Variants in SGCZ observed in about 807,000 individuals in gnomAD.
SGCZ encodes the protein zeta-sarcoglycan.
In SGCZ, 40 loss-of-function variants were observed where a neutral mutation model predicts 41.3. That is an observed-to-expected ratio of 0.97 (90% CI 0.75 to 1.26). The LOEUF is 1.26. Ranked by LOEUF, SGCZ falls within the 50% of genes most tolerant of loss-of-function variation. The probability of loss-of-function intolerance (pLI) is 0.00; values close to 1 mark genes in which losing one functional copy is unlikely to be tolerated. For synonymous variants in SGCZ, 206 were observed against 137.5 expected, an observed-to-expected ratio of 1.50 and a Z score of -3.49; for missense variants, 552 against 369.8, an observed-to-expected ratio of 1.49 and a Z score of -4.04.
intron 1 of SGCZ, among the ~76,000 whole-genome samples, chr8:15,164,654 T>TTTTTTAGAAG (rs1394105574): frequency 6.6e-6 from 1 of 151,604 alleles, no homozygotes; most frequent in Admixed American, 6.6e-5. Flanking sequence ...TTTTTTTTTT[T>TTTTTTAGAAG]AAGAAGACAT....
At chr8:14,277,569 T>G (rs549794661) in intron 3 of SGCZ, among the ~76,000 whole-genome samples, 1 of 152,098 alleles carries the variant, frequency 6.6e-6, no homozygotes, top group African/African-American at 2.4e-5. Context: ...GCAAAGTCAA[T>G]GAAGTAAAAG....
At chr8:14,279,539 A>G (rs1025522671) in intron 3 of SGCZ, among the ~76,000 whole-genome samples, 5 of 151,908 alleles carry the variant, frequency 3.3e-5, no homozygotes, top group Admixed American at 6.6e-5. Flanking sequence ...CTATCTCTTC[A>G]CAACAAAAAT....
At chr8:14,207,353 C>G (rs1371862410) in intron 4 of SGCZ, among the ~76,000 whole-genome samples, 1 of 152,154 alleles carries the variant, frequency 6.6e-6, no homozygotes, top group Non-Finnish European at 1.5e-5. Flanking sequence ...TTAACATTAT[C>G]ATATTCTGCC....
At chr8:14,693,771 T>C (rs1027048034) in intron 1 of SGCZ, among the ~76,000 whole-genome samples, 16 of 151,880 alleles carry the variant, frequency 1.1e-4, no homozygotes, top group South Asian at 6.2e-4. Context: ...TTTGTATTTT[T>C]AGTAGGGATG....
chr8:14,849,295 C>T (rs372356595), intron 1 of SGCZ, among the ~76,000 whole-genome samples: 12 of 151,988 alleles, frequency 7.9e-5, no homozygotes, highest in African/African-American at 2.2e-4. Context: ...AGACTGTATA[C>T]AGCAACCATA....
At chr8:14,528,537 C>T (rs1213984343) in intron 2 of SGCZ, among the ~76,000 whole-genome samples, 1 of 152,008 alleles carries the variant, frequency 6.6e-6, no homozygotes, top group Non-Finnish European at 1.5e-5. Flanking sequence ...TTGAGTAAGT[C>T]TCGTTGGCCA....
intron 1 of SGCZ, among the ~76,000 whole-genome samples, chr8:14,656,986 T>C (rs1261747861): frequency 1.3e-5 from 2 of 152,008 alleles, no homozygotes; most frequent in African/African-American, 4.8e-5. Context: ...ATTATATGTC[T>C]ATATATAAAA....
intron 1 of SGCZ, among the ~76,000 whole-genome samples, chr8:14,564,007 T>C (rs1804283399): frequency 6.6e-6 from 1 of 152,232 alleles, no homozygotes; most frequent in Admixed American, 6.5e-5. Flanking sequence ...CTCACTAATT[T>C]GATTCCTTAA....
At chr8:15,167,435 C>A (rs1022008148) in intron 1 of SGCZ, among the ~76,000 whole-genome samples, 2 of 141,228 alleles carry the variant, frequency 1.4e-5, no homozygotes, top group African/African-American at 2.5e-5. Context: ...GCTCCAAGTT[C>A]ATCTTGGGAC....
chr8:14,690,668 C>G (rs997960274), intron 1 of SGCZ: 1 of 152,108 alleles, frequency 6.6e-6, no homozygotes, highest in African/African-American at 2.4e-5. Flanking sequence ...CTAGTTTTTT[C>G]TAATACCGTG....
At chr8:14,368,846 C>T (rs538804774) in intron 2 of SGCZ, among the ~76,000 whole-genome samples, 7 of 151,504 alleles carry the variant, frequency 4.6e-5, no homozygotes, top group African/African-American at 1.7e-4. Flanking sequence ...AAAAAAGTTA[C>T]ATATACTTGT....
intron 1 of SGCZ, among the ~76,000 whole-genome samples, chr8:14,628,566 C>T (rs1291732868): frequency 1.3e-5 from 2 of 152,048 alleles, no homozygotes; most frequent in African/African-American, 4.8e-5. Context: ...CAATAGGTTC[C>T]ATGGATTGAA....
At chr8:15,065,593 C>T (rs1330513562) in intron 1 of SGCZ, among the ~76,000 whole-genome samples, 4 of 151,956 alleles carry the variant, frequency 2.6e-5, no homozygotes, top group African/African-American at 9.6e-5. Flanking sequence ...TACAGGGGTG[C>T]ACCCAGCTAA....
At position 15,112,054 on chromosome 8, in the gene SGCZ, C is replaced by T. The variant is rs187694693; in HGVS notation, c.39+125531G>A. On this transcript the variant is annotated intron_variant, in intron 1 of 7. Coordinates refer to ENST00000382080, the MANE Select transcript of SGCZ (RefSeq NM_139167.4). ...CTTCTGGTAACACTATGAGCACTAT[C>T]TCACTGTTGCTCTCTTTTTCTCTCT... is the stretch of plus-strand genomic sequence containing the variant. 3.9e-3 allele frequency among the ~76,000 whole-genome samples: 587 copies of T among 152,156 alleles called. 2 individuals carry two copies. The highest frequency in any genetic ancestry group is 6.1e-3 in the Non-Finnish European group (412 of 68,028).
At chr8:14,648,568 C>G (rs1807298776) in intron 1 of SGCZ, among the ~76,000 whole-genome samples, 1 of 152,040 alleles carries the variant, frequency 6.6e-6, no homozygotes, top group South Asian at 2.1e-4. Context: ...ATTCCTTATG[C>G]AGCACTGGGA....
At chr8:14,315,027 G>A (rs1032475685) in intron 3 of SGCZ, among the ~76,000 whole-genome samples, 1 of 152,108 alleles carries the variant, frequency 6.6e-6, no homozygotes, top group Non-Finnish European at 1.5e-5. Context: ...TATTTGCTAC[G>A]GATTAATTAA....
chr8:15,111,057 A>G (rs950755035), intron 1 of SGCZ, among the ~76,000 whole-genome samples: 2 of 152,196 alleles, frequency 1.3e-5, no homozygotes, highest in South Asian at 4.1e-4. Flanking sequence ...TATGGTCTGG[A>G]GGCAGAGAAC....
intron 3 of SGCZ, among the ~76,000 whole-genome samples, chr8:14,269,113 A>G (rs1799973230): frequency 6.6e-6 from 1 of 152,090 alleles, no homozygotes; most frequent in African/African-American, 2.4e-5. Context: ...TGATATAGTC[A>G]TAAATTTTTT....
At chr8:15,074,001 C>T (rs1805443559) in intron 1 of SGCZ, among the ~76,000 whole-genome samples, 1 of 152,116 alleles carries the variant, frequency 6.6e-6, no homozygotes, top group African/African-American at 2.4e-5. Flanking sequence ...TGATAATAGT[C>T]CCTTCCCAAA....
Sources: gnomAD v4.1 joint callset for allele counts (sites outside exome capture counted in the v4.1 genomes callset) on GRCh38, gnomAD v4.1.1 for gene constraint, MANE v1.5 for transcripts, NCBI Gene and HGNC (gene_info 2026-07-23, HGNC 2026-07-21) for gene names.